Variants in GALNT13 observed in about 807,000 individuals in gnomAD.
The protein encoded by GALNT13 is UDP-GalNAc:polypeptide N-acetylgalactosaminyltransferase 13.
A neutral mutation model predicts 64.2 loss-of-function variants in GALNT13; 28 were observed. The observed-to-expected ratio is 0.44, with a 90% CI of 0.32 to 0.60. GALNT13 has a LOEUF of 0.60. Among genes scored for constraint, GALNT13 ranks in the 20% least tolerant of loss-of-function variants. The pLI is 0.05. For missense variants in GALNT13, 577 were observed against 669.8 expected, an observed-to-expected ratio of 0.86 and a Z score of 1.53; for synonymous variants, 214 against 224.6, an observed-to-expected ratio of 0.95 and a Z score of 0.42.
the GALNT13 span, among the ~76,000 whole-genome samples, chr2:153,481,889 C>T: frequency 2.0e-5 from 3 of 151,964 alleles, no homozygotes; most frequent in Admixed American, 6.6e-5. Context: ...AAATATCAAA[C>T]ATTGAAAGGA....
At chr2:153,901,901 T>C (rs146752140) in intron 2 of GALNT13, among the ~76,000 whole-genome samples, 52 of 152,292 alleles carry the variant, frequency 3.4e-4, no homozygotes, top group African/African-American at 1.2e-3. Flanking sequence ...ACCACAGCCT[T>C]TTCTTGCACT....
At chr2:153,873,534 C>G (rs750130215) in intron 1 of GALNT13, among the ~76,000 whole-genome samples, 2 of 152,156 alleles carry the variant, frequency 1.3e-5, no homozygotes, top group Non-Finnish European at 2.9e-5. Flanking sequence ...AAACTAACCT[C>G]GAAAGGGTGG....
chr2:154,065,089 G>C (rs188389969), intron 3 of GALNT13, among the ~76,000 whole-genome samples: 49 of 152,200 alleles, frequency 3.2e-4, no homozygotes, highest in Non-Finnish European at 1.6e-4. Context: ...CTGGTAGCCT[G>C]GCACAACTCT....
intron 11 of GALNT13, among the ~76,000 whole-genome samples, chr2:154,423,664 A>T (rs1353227433): frequency 6.6e-6 from 1 of 152,174 alleles, no homozygotes; most frequent in African/African-American, 2.4e-5. Flanking sequence ...AAGCTTTAAG[A>T]GACAAGTTAA....
At chr2:153,138,327 C>T in the GALNT13 span, among the ~76,000 whole-genome samples, 1 of 152,064 alleles carries the variant, frequency 6.6e-6, no homozygotes, top group Non-Finnish European at 1.5e-5. Flanking sequence ...TAAAACTTCA[C>T]TTTATACCTC....
the GALNT13 span, among the ~76,000 whole-genome samples, chr2:153,268,521 A>G: frequency 1.3e-5 from 2 of 152,298 alleles, no homozygotes; most frequent in East Asian, 3.9e-4. Flanking sequence ...CACATGATGC[A>G]AGCTGTCAGT....
rs554507734 is a variant in GALNT13 at position 154,242,042 on chromosome 2, A to G, written c.324A>G (p.Lys108=). Residue 108 remains lysine, a synonymous_variant, in exon 5 of 13, where the codon AAA becomes AAG. Coordinates refer to ENST00000392825, the MANE Select transcript of GALNT13 (RefSeq NM_052917.4). ...PDVRLEGCKT[K]VYPDELPNTS... ...TTCTCTTTTTCAGATGTAAGACAAA[A>G]GTCTACCCTGATGAACTTCCAAACA... 45 of 1,596,588 alleles carry G rather than the reference A, an allele frequency of 2.8e-5. 2 individuals are homozygous for G. In the South Asian group the frequency reaches 5.1e-4, roughly 18 times the overall value.
At chr2:154,252,751 ATAGATAGATAGATAG>A (rs1690148381) in intron 7 of GALNT13, among the ~76,000 whole-genome samples, 1 of 151,894 alleles carries the variant, frequency 6.6e-6, no homozygotes, top group Non-Finnish European at 1.5e-5. Context: ...AGATAGATAG[ATAGATAGATAGATAG>A]ATAGATAGAT....
the GALNT13 span, among the ~76,000 whole-genome samples, chr2:153,698,161 T>G: frequency 1.3e-5 from 2 of 151,972 alleles, no homozygotes; most frequent in African/African-American, 2.4e-5. Context: ...TAAAGAGAGA[T>G]AACACTATGA....
At chr2:154,305,409 G>A (rs1012509854) in intron 9 of GALNT13, among the ~76,000 whole-genome samples, 10 of 151,890 alleles carry the variant, frequency 6.6e-5, no homozygotes, top group African/African-American at 2.2e-4. Flanking sequence ...ACACACACGC[G>A]TATTTATGAA....
chr2:153,715,264 T>C, the GALNT13 span, among the ~76,000 whole-genome samples: 1 of 152,248 alleles, frequency 6.6e-6, no homozygotes, highest in Non-Finnish European at 1.5e-5. Context: ...TAAGTGTTAA[T>C]TGCTACCAGT....
chr2:154,276,945 C>T (rs1164666084), intron 8 of GALNT13, among the ~76,000 whole-genome samples: 1 of 152,172 alleles, frequency 6.6e-6, no homozygotes, highest in Non-Finnish European at 1.5e-5. Context: ...AAGGCCTTCC[C>T]AGCCATGCTG....
chr2:153,842,502 GACTA>G, the GALNT13 span, among the ~76,000 whole-genome samples: 1 of 151,916 alleles, frequency 6.6e-6, no homozygotes, highest in East Asian at 1.9e-4. Flanking sequence ...TCTTACAAAA[GACTA>G]AAAAACAACT....
At chr2:153,590,313 G>T in the GALNT13 span, among the ~76,000 whole-genome samples, 23,264 of 151,990 alleles carry the variant, frequency 0.15, 1,868 homozygotes, top group African/African-American at 0.19. Context: ...ATAAGAGACT[G>T]ATAGCAAATA....
chr2:153,630,793 ATATATATATATATATTTTTTTT>A, the GALNT13 span, among the ~76,000 whole-genome samples: 8 of 13,242 alleles, frequency 6.0e-4, no homozygotes, highest in East Asian at 5.5e-3. Context: ...ATATATATAT[ATATATATATATATATTTTTTTT>A]TTTTTTTTTA....
At chr2:154,105,411 T>A (rs1009453072) in intron 3 of GALNT13, among the ~76,000 whole-genome samples, 1 of 152,318 alleles carries the variant, frequency 6.6e-6, no homozygotes, top group East Asian at 1.9e-4. Flanking sequence ...ATTAGATATG[T>A]TTATATACAT....
chr2:153,497,700 G>A, the GALNT13 span, among the ~76,000 whole-genome samples: 1 of 151,640 alleles, frequency 6.6e-6, no homozygotes, highest in Non-Finnish European at 1.5e-5. Flanking sequence ...ATCACGCCCG[G>A]CTACTTTTTG....
In GALNT13 at chr2:154,300,691, ATACT is replaced by A. The variant is rs1214850263; in HGVS notation, c.976-715_976-712del. Among the ~76,000 whole-genome samples, 5 of 152,174 alleles carry A rather than the reference ATACT, an allele frequency of 3.3e-5. 1 individual carries two copies. Among genetic ancestry groups the A allele is most frequent in the Admixed American group, 3.3e-4 (5 of 15,278 alleles). On this transcript the variant is annotated intron_variant, in intron 8 of 12. Coordinates refer to ENST00000392825, the MANE Select transcript of GALNT13 (RefSeq NM_052917.4). ...CAGTATTTTATGGCTAGTTTGCATA[ATACT>A]TAGCCTCAAATACACAGTGAATTCT...
chr2:154,335,307 C>T (rs1193428381), intron 9 of GALNT13, among the ~76,000 whole-genome samples: 1 of 151,950 alleles, frequency 6.6e-6, no homozygotes, highest in Non-Finnish European at 1.5e-5. Flanking sequence ...AATTTATTGA[C>T]AAATGAGCAG....
Sources: gnomAD v4.1 joint callset for allele counts (sites outside exome capture counted in the v4.1 genomes callset) on GRCh38, gnomAD v4.1.1 for gene constraint, MANE v1.5 for transcripts, NCBI Gene and HGNC (gene_info 2026-07-23, HGNC 2026-07-21) for gene names.